The following CERS6 variants were observed in gnomAD, a reference collection of about 807,000 sequenced individuals.
The protein encoded by CERS6 is ceramide synthase 6, also known as LAG1 homolog, ceramide synthase 6.
CERS6 carries 26 observed loss-of-function variants against 56.8 expected under a neutral mutation model. That is an observed-to-expected ratio of 0.46 (90% CI 0.34 to 0.63). The LOEUF (loss-of-function observed/expected upper bound fraction) is 0.63, where lower values mean the gene tolerates loss of function less well. Among genes scored for constraint, CERS6 ranks in the 30% least tolerant of loss-of-function variants. CERS6 has a pLI of 0.01. For synonymous variants in CERS6, 164 were observed against 173.3 expected (o/e 0.95, Z 0.42); for missense variants, 415 against 467.5 (o/e 0.89, Z 1.04).
At chr2:168,526,964 G>A (rs1695082738) in intron 1 of CERS6, among the ~76,000 whole-genome samples, 1 of 152,230 alleles carries the variant, frequency 6.6e-6, no homozygotes, top group African/African-American at 2.4e-5. Flanking sequence ...AACACTCTGT[G>A]CTGGTTATTA....
chr2:168,579,554 C>T (rs1476928528), intron 3 of CERS6, among the ~76,000 whole-genome samples: 1 of 152,142 alleles, frequency 6.6e-6, no homozygotes, highest in Non-Finnish European at 1.5e-5. Flanking sequence ...CTCCACACCC[C>T]CTTTTCTTCT....
chr2:168,763,236 CTCTCT>C (rs1381086980), intron 8 of CERS6, among the ~76,000 whole-genome samples: 9 of 116,586 alleles, frequency 7.7e-5, no homozygotes, highest in East Asian at 7.3e-4. Context: ...CTCTCTCTCT[CTCTCT>C]TTTTTTTTTT....
chr2:168,631,137 G>A, intron 4 of CERS6, 95 bp downstream of exon 4: 2 of 556,014 alleles, frequency 3.6e-6, no homozygotes, highest in Non-Finnish European at 6.4e-6. Context: ...TAATATTTTA[G>A]GTAATCATAT....
intron 4 of CERS6, among the ~76,000 whole-genome samples, chr2:168,631,847 TA>T: frequency 7.5e-6 from 1 of 132,644 alleles, no homozygotes; most frequent in Middle Eastern, 3.7e-3. Flanking sequence ...TTATATAATA[TA>T]TATTATATAT....
intron 4 of CERS6, among the ~76,000 whole-genome samples, chr2:168,689,128 G>GC (rs1325967669): frequency 6.6e-5 from 10 of 152,126 alleles, no homozygotes; most frequent in African/African-American, 2.4e-4. Context: ...ATGAGGCCTT[G>GC]CATTTCCATT....
intron 8 of CERS6, among the ~76,000 whole-genome samples, chr2:168,745,153 C>T (rs564002361): frequency 3.9e-5 from 6 of 152,124 alleles, no homozygotes; most frequent in African/African-American, 9.6e-5. Context: ...AGCACCATTA[C>T]GAATAAAAGT....
chr2:168,626,124 G>A (rs1684584821), intron 3 of CERS6, among the ~76,000 whole-genome samples: 1 of 151,856 alleles, frequency 6.6e-6, no homozygotes, highest in African/African-American at 2.4e-5. Context: ...AACCCACTCT[G>A]TGCTCATTTC....
At chr2:168,719,201 G>A (rs1176335694) in intron 8 of CERS6, among the ~76,000 whole-genome samples, 1 of 152,178 alleles carries the variant, frequency 6.6e-6, no homozygotes, top group Non-Finnish European at 1.5e-5. Context: ...GGCATTTACA[G>A]TTGAATTCCT....
intron 4 of CERS6, among the ~76,000 whole-genome samples, chr2:168,658,093 G>A (rs948555838): frequency 5.3e-5 from 8 of 152,228 alleles, no homozygotes; most frequent in African/African-American, 1.2e-4. Context: ...GATGTGTGAC[G>A]TGTTGCAAAT....
chr2:168,610,290 T>C (rs1348084985), intron 3 of CERS6, among the ~76,000 whole-genome samples: 3 of 152,166 alleles, frequency 2.0e-5, no homozygotes, highest in African/African-American at 7.2e-5. Flanking sequence ...TGATTTTTTT[T>C]AGAATAGGTA....
intron 8 of CERS6, among the ~76,000 whole-genome samples, chr2:168,741,565 TTG>T (rs1300943344): frequency 1.3e-5 from 2 of 152,170 alleles, no homozygotes; most frequent in East Asian, 3.9e-4. Context: ...GTTTATGAAT[TTG>T]TGTTGGGCTG....
At chr2:168,756,229 C>T (rs1420959249) in intron 8 of CERS6, among the ~76,000 whole-genome samples, 1 of 152,192 alleles carries the variant, frequency 6.6e-6, no homozygotes, top group Non-Finnish European at 1.5e-5. Flanking sequence ...GAATCTCAGT[C>T]TTTCTTAGGT....
intron 3 of CERS6, among the ~76,000 whole-genome samples, chr2:168,598,798 T>TA (rs1489151004): frequency 6.6e-6 from 1 of 152,220 alleles, no homozygotes; most frequent in African/African-American, 2.4e-5. Flanking sequence ...TGATACAACA[T>TA]AGAACAATTA....
intron 4 of CERS6, among the ~76,000 whole-genome samples, chr2:168,646,146 C>T (rs1685194885): frequency 6.6e-6 from 1 of 152,196 alleles, no homozygotes; most frequent in Non-Finnish European, 1.5e-5. Context: ...AACTAATTTG[C>T]ACTCCCATCA....
At chr2:168,629,495 G>A (rs919913220) in intron 3 of CERS6, among the ~76,000 whole-genome samples, 5 of 152,196 alleles carry the variant, frequency 3.3e-5, no homozygotes, top group African/African-American at 1.2e-4. Context: ...AGATGGAACT[G>A]AGATCAAAGG....
chr2:168,695,318 C>A (rs1044393061), intron 6 of CERS6, among the ~76,000 whole-genome samples: 1 of 152,146 alleles, frequency 6.6e-6, no homozygotes, highest in Non-Finnish European at 1.5e-5. Context: ...ATGATTTTCT[C>A]TCAATCTAAT....
chr2:168,464,851 T>G (rs935882527), intron 1 of CERS6, among the ~76,000 whole-genome samples: 7 of 152,154 alleles, frequency 4.6e-5, no homozygotes, highest in Non-Finnish European at 1.0e-4. Context: ...GAGATACGCA[T>G]TAGGATGGCT....
intron 1 of CERS6, among the ~76,000 whole-genome samples, chr2:168,493,280 A>C (rs981614282): frequency 5.3e-5 from 8 of 152,154 alleles, no homozygotes; most frequent in Non-Finnish European, 1.2e-4. Context: ...TCTCCTAGCC[A>C]CTTAAATAAA....
chr2:168,742,743 G>T (rs1574211097), intron 8 of CERS6, among the ~76,000 whole-genome samples: 1 of 152,316 alleles, frequency 6.6e-6, no homozygotes, highest in Non-Finnish European at 1.5e-5. Context: ...ATGGACAGGA[G>T]GGGAGAATGT....
Sources: gnomAD v4.1 joint callset for allele counts (sites outside exome capture counted in the v4.1 genomes callset) on GRCh38, gnomAD v4.1.1 for gene constraint, MANE v1.5 for transcripts, NCBI Gene and HGNC (gene_info 2026-07-23, HGNC 2026-07-21) for gene names.